The following OPHN1 variants were observed in gnomAD, a reference collection of about 807,000 sequenced individuals.
OPHN1 encodes the protein oligophrenin 1, also known as oligophrenin-1.
A neutral mutation model predicts 60.7 loss-of-function variants in OPHN1; 11 were observed. That is an observed-to-expected ratio of 0.18 (90% confidence interval 0.11 to 0.30). The LOEUF (loss-of-function observed/expected upper bound fraction) is 0.30, where lower values mean the gene tolerates loss of function less well. OPHN1 is among the 10% of genes least tolerant of loss of function. The pLI, the probability that OPHN1 is intolerant of heterozygous loss-of-function variation, is 1.00. For synonymous variants in OPHN1, 226 were observed against 222.6 expected, an observed-to-expected ratio of 1.02 and a Z score of -0.14; for missense variants, 449 against 611.0, an observed-to-expected ratio of 0.73 and a Z score of 2.80.
At chrX:68,053,839 G>A in intron 21 of OPHN1, 29 bp from the exon 22 acceptor site, 1 of 1,200,591 alleles carries the variant, frequency 8.3e-7, no homozygotes, top group South Asian at 1.8e-5. Flanking sequence ...CCAGGAACTT[G>A]GATGGTTAGC....
intron 15 of OPHN1, among the ~76,000 whole-genome samples, chrX:68,151,066 G>GA (rs1415043236): frequency 9.0e-6 from 1 of 111,521 alleles, no homozygotes; most frequent in Admixed American, 9.6e-5. Context: ...CCACCTAAGG[G>GA]AAAAAATGTC....
At chrX:68,254,170 G>A (rs1380268640) in intron 5 of OPHN1, among the ~76,000 whole-genome samples, 1 of 111,183 alleles carries the variant, frequency 9.0e-6, no homozygotes, top group Non-Finnish European at 1.9e-5. Context: ...ACCTGCTGGA[G>A]GAACAAAAGT....
intron 19 of OPHN1, among the ~76,000 whole-genome samples, chrX:68,079,223 A>G (rs896336371): frequency 1.8e-5 from 2 of 110,337 alleles, no homozygotes; most frequent in Admixed American, 9.7e-5. Context: ...TCTCAAAAGC[A>G]TTTAAATGAA....
intron 2 of OPHN1, among the ~76,000 whole-genome samples, chrX:68,305,495 AG>A (rs1350036297): frequency 8.9e-6 from 1 of 112,670 alleles, no homozygotes; most frequent in Non-Finnish European, 1.9e-5. Flanking sequence ...GGCTATTCAT[AG>A]GCCCATGAAA....
chrX:68,383,698 C>T (rs961140113), intron 2 of OPHN1, among the ~76,000 whole-genome samples: 2 of 107,422 alleles, frequency 1.9e-5, no homozygotes, highest in Admixed American at 2.0e-4. Flanking sequence ...TGGAAAACAA[C>T]TGGCCCTCCA....
chrX:68,294,249 TTAC>T (rs2078083277), intron 3 of OPHN1, among the ~76,000 whole-genome samples: 1 of 109,908 alleles, frequency 9.1e-6, no homozygotes. Context: ...GGTAGGCGGA[TTAC>T]CTGAGGTCAG....
At chrX:68,134,017 A>T (rs2077209114) in intron 15 of OPHN1, among the ~76,000 whole-genome samples, 1 of 110,165 alleles carries the variant, frequency 9.1e-6, no homozygotes. Context: ...TCTACTAAAA[A>T]TACAAAAATT....
At chrX:68,186,823 G>C (rs916595321) in intron 15 of OPHN1, among the ~76,000 whole-genome samples, 1 of 110,899 alleles carries the variant, frequency 9.0e-6, no homozygotes, top group Non-Finnish European at 1.9e-5. Flanking sequence ...TCTTATAAGG[G>C]TATTTATCCC....
chrX:68,235,880 A>G (rs905742519), intron 5 of OPHN1, among the ~76,000 whole-genome samples: 3 of 109,136 alleles, frequency 2.7e-5, no homozygotes, highest in Non-Finnish European at 3.8e-5. Flanking sequence ...CAGGGAAGAA[A>G]GAAAGAAATG....
intron 15 of OPHN1, among the ~76,000 whole-genome samples, chrX:68,173,838 C>T (rs1055510800): frequency 9.0e-6 from 1 of 110,903 alleles, no homozygotes; most frequent in African/African-American, 3.3e-5. Context: ...GTGAAAGAAG[C>T]CAAAACAGGA....
intron 15 of OPHN1, among the ~76,000 whole-genome samples, chrX:68,128,868 GA>G (rs1267481933): frequency 9.0e-6 from 1 of 111,724 alleles, no homozygotes; most frequent in African/African-American, 3.3e-5. Flanking sequence ...TAGGTCAGTG[GA>G]AAAAATGAAA....
intron 21 of OPHN1, among the ~76,000 whole-genome samples, chrX:68,058,635 A>G (rs2076882249): frequency 8.9e-6 from 1 of 111,960 alleles, no homozygotes; most frequent in Admixed American, 9.5e-5. Context: ...ACAGAAGAGT[A>G]GACACCCCAT....
In OPHN1 at chrX:68,083,054, C is replaced by CTTTTTTTTTTTTTT. The variant is rs869083899; in HGVS notation, c.1687-9769_1687-9756dup. Among the ~76,000 whole-genome samples, 4 of 37,455 alleles carry CTTTTTTTTTTTTTT rather than the reference C, an allele frequency of 1.1e-4. 2 individuals carry two copies. Among genetic ancestry groups the CTTTTTTTTTTTTTT allele is most frequent in the African/African-American group, 2.3e-4 (2 of 8,654 alleles). 32.5% of individuals were successfully genotyped at this position (37,455 alleles called of 115,157 possible). On this transcript the variant is annotated intron_variant, in intron 19 of 24. Transcript: ENST00000355520. ...ATCATGAACCAACCTCTGCTAGTTT[C>CTTTTTTTTTTTTTT]TTTTTTTTTTTTTTTTTTTTTTTTT...
chrX:68,105,864 T>A (rs2077079224), intron 18 of OPHN1, among the ~76,000 whole-genome samples: 1 of 110,213 alleles, frequency 9.1e-6, no homozygotes, highest in South Asian at 3.9e-4. Flanking sequence ...AGGACATAAA[T>A]AAAATGTGTT....
intron 5 of OPHN1, among the ~76,000 whole-genome samples, chrX:68,253,880 G>T (rs1330481938): frequency 1.8e-5 from 2 of 111,683 alleles, no homozygotes; most frequent in Non-Finnish European, 3.8e-5. Flanking sequence ...CCCTTAGAAA[G>T]ATTCACACAG....
chrX:68,159,994 A>T (rs1309367723), intron 15 of OPHN1, among the ~76,000 whole-genome samples: 2 of 100,105 alleles, frequency 2.0e-5, no homozygotes, highest in Non-Finnish European at 3.9e-5. Context: ...CAGACTGGAA[A>T]ATTAAAAAAA....
At chrX:68,313,021 G>A (rs1041291539) in intron 2 of OPHN1, among the ~76,000 whole-genome samples, 2 of 110,802 alleles carry the variant, frequency 1.8e-5, no homozygotes, top group Admixed American at 9.7e-5. Flanking sequence ...GGAGTATTAC[G>A]TGAGCCCAGG....
chrX:68,422,681 A>G (rs766063626), intron 2 of OPHN1, among the ~76,000 whole-genome samples: 1 of 96,067 alleles, frequency 1.0e-5, no homozygotes, highest in Non-Finnish European at 2.1e-5. Context: ...AGGGAAAGGG[A>G]AGAAAGAGAA....
intron 2 of OPHN1, among the ~76,000 whole-genome samples, chrX:68,365,560 A>C (rs1207467860): frequency 8.9e-6 from 1 of 111,787 alleles, no homozygotes; most frequent in Admixed American, 9.6e-5. Context: ...CTCTCGAGAG[A>C]ATTACAGCAT....
Sources: gnomAD v4.1 joint callset for allele counts (sites outside exome capture counted in the v4.1 genomes callset) on GRCh38, gnomAD v4.1.1 for gene constraint, MANE v1.5 for transcripts, NCBI Gene and HGNC (gene_info 2026-07-23, HGNC 2026-07-21) for gene names.